The following ZIM3 variants were observed in gnomAD, a reference collection of about 807,000 sequenced individuals.
ZIM3 encodes zinc finger protein 657.
ZIM3 carries 11 observed loss-of-function variants against 12.9 expected under a neutral mutation model. The observed-to-expected ratio is 0.85, with a 90% CI of 0.54 to 1.41. The LOEUF (loss-of-function observed/expected upper bound fraction) is 1.41. Ranked by LOEUF, ZIM3 falls within the 40% of genes most tolerant of loss-of-function variation. ZIM3 has a pLI of 0.00. For missense variants in ZIM3, 604 were observed against 557.2 expected, an observed-to-expected ratio of 1.08 and a Z score of -0.85; for synonymous variants, 205 against 198.5, an observed-to-expected ratio of 1.03 and a Z score of -0.28.
chr19:57,138,367 G>T, intron 3 of ZIM3, 105 bp downstream of exon 3: 1 of 1,518,578 alleles, frequency 6.6e-7, no homozygotes, highest in Non-Finnish European at 9.1e-7. Context: ...AAACATATGC[G>T]AAGTGAGGAG....
intron 2 of ZIM3, among the ~76,000 whole-genome samples, chr19:57,141,739 A>C (rs2086914838): frequency 6.6e-6 from 1 of 151,832 alleles, no homozygotes; most frequent in Non-Finnish European, 1.5e-5. Flanking sequence ...CTGTAATCCC[A>C]GCAACTCAGG....
chr19:57,137,267 T>C (rs1034020785), intron 3 of ZIM3, among the ~76,000 whole-genome samples: 2 of 152,014 alleles, frequency 1.3e-5, no homozygotes, highest in African/African-American at 2.4e-5. Flanking sequence ...GGAGAATTGC[T>C]AGAGCACAGG....
In ZIM3 at chr19:57,135,953, T is replaced by G. The variant is rs1397385090; in HGVS notation, c.384A>C (p.Pro128=). The part of the protein sequence containing the change: ...VECDGSKKIL[P]LGIDDVSSLQ... ...AGGAAGATACATCATCTATGCCCAG[T>G]GGAAGTATTTTCTTAGATCCGTCAC... The change falls in exon 5 of 5, where the codon CCA becomes CCC. Residue 128 remains proline, a synonymous_variant. Coordinates refer to ENST00000269834, the MANE Select transcript of ZIM3 (RefSeq NM_052882.1). 6.2e-7 allele frequency: 1 copy of G among 1,614,144 alleles called. No individual in the cohort carries two copies. The highest frequency in any genetic ancestry group is 8.5e-7 in the Non-Finnish European group (1 of 1,180,040).
intron 1 of ZIM3, 74 bp from the exon 2 acceptor site, chr19:57,142,759 G>C: frequency 8.4e-7 from 1 of 1,190,460 alleles, no homozygotes; most frequent in Non-Finnish European, 1.2e-6. Context: ...AGCATAGAAT[G>C]CTCCACACCC....
intron 2 of ZIM3, among the ~76,000 whole-genome samples, 165 bp downstream of exon 2, chr19:57,142,464 A>G (rs2086917815): frequency 6.6e-6 from 1 of 152,150 alleles, no homozygotes; most frequent in Admixed American, 6.5e-5. Flanking sequence ...GAAATGTTTC[A>G]GCTTTAATAG....
chr19:57,134,716 A>C lies in ZIM3; in HGVS notation c.*202T>G. 1.8e-6 allele frequency: 1 copy of C among 554,802 alleles called. No homozygotes were observed. Among genetic ancestry groups the C allele is most frequent in the Non-Finnish European group, 3.1e-6 (1 of 319,444 alleles). The allele number at this position is 554,802 out of a possible 1,614,324, so 34.4% of individuals were successfully genotyped here. Reference sequence around the variant, plus strand: ...CAGTGTTTAAGAGTTCCTGGTACACAAAAGGCATCTAATAAATATTTATAC... The same window carrying C: ...CAGTGTTTAAGAGTTCCTGGTACACCAAAGGCATCTAATAAATATTTATAC... On this transcript the variant is annotated 3_prime_UTR_variant, in exon 5 of 5. Transcript: ENST00000269834.
chr19:57,138,064 AAGGAAGGAAGGAAAGAAGGGAGGT>A (rs2086897450), intron 3 of ZIM3, among the ~76,000 whole-genome samples: 1 of 109,334 alleles, frequency 9.1e-6, no homozygotes, highest in Non-Finnish European at 1.8e-5. Flanking sequence ...AGAAGGAAGG[AAGGAAGGAAGGAAAGAAGGGAGGT>A]AGGAAGGGAG....
At chr19:57,143,314 G>A (rs1421327299) in intron 1 of ZIM3, among the ~76,000 whole-genome samples, 14 of 149,046 alleles carry the variant, frequency 9.4e-5, no homozygotes, top group Non-Finnish European at 1.5e-4. Flanking sequence ...CTGGGCGACA[G>A]AGCGAGACTC....
chr19:57,137,414 G>A (rs28637047), intron 3 of ZIM3, among the ~76,000 whole-genome samples: 2,574 of 152,072 alleles, frequency 0.017, 84 homozygotes, highest in African/African-American at 0.059. Flanking sequence ...CTTGAGCCCA[G>A]GTCAATGTTG....
intron 2 of ZIM3, among the ~76,000 whole-genome samples, chr19:57,140,289 G>A (rs914707159): frequency 1.3e-4 from 19 of 151,758 alleles, no homozygotes; most frequent in Non-Finnish European, 8.8e-5. Context: ...CGATTCTCCT[G>A]CCTCAGCCTC....
At position 57,135,900 on chromosome 19, in the gene ZIM3, T is replaced by C; in HGVS notation, c.437A>G (p.His146Arg). 6.2e-7 allele frequency: 1 copy of C among 1,614,104 alleles called. No individual in the cohort carries two copies. Among genetic ancestry groups the C allele is most frequent in the South Asian group, 1.1e-5 (1 of 91,078 alleles). Reference sequence around the variant, plus strand: ...TAATTTTCTGTATCCATTATCATCGTGAGAATTATTTTGTACATAGTGTTG... The same window carrying C: ...TAATTTTCTGTATCCATTATCATCGCGAGAATTATTTTGTACATAGTGTTG... ...SLQHYVQNNS[H>R]DDNGYRKLVG... The change falls in exon 5 of 5, where the codon CAC becomes CGC. Residue 146 changes from histidine to arginine, a missense_variant. His to Arg is a conservative substitution (Grantham distance 29). Transcript: ENST00000269834.
At chr19:57,144,412 T>A (rs1370848996) in intron 1 of ZIM3, among the ~76,000 whole-genome samples, 2 of 152,116 alleles carry the variant, frequency 1.3e-5, no homozygotes, top group South Asian at 4.1e-4. Flanking sequence ...GGCACAACTT[T>A]AATGTTTATT....
Position 57,135,070 on chromosome 19 carries a change from C to T in ZIM3, c.1267G>A (p.Glu423Lys), listed in dbSNP as rs2086879201. The change falls in exon 5 of 5, where the codon GAA becomes AAA. Residue 423 changes from glutamate to lysine, a missense_variant. Transcript: ENST00000269834. ...HSGERTYRCS[E>K]CGKTFIRKLN... ...TTCCGGATGAAGGTTTTTCCACATT[C>T]ACTACATCTATAGGTCCTCTCTCCG... The T allele has an allele frequency of 1.2e-6, 2 of 1,614,166 alleles. No homozygotes were observed. Among genetic ancestry groups the T allele is most frequent in the African/African-American group, 2.7e-5 (2 of 75,030 alleles).
intron 1 of ZIM3, among the ~76,000 whole-genome samples, chr19:57,143,327 T>TC (rs2086923083): frequency 2.3e-5 from 3 of 131,896 alleles, no homozygotes; most frequent in African/African-American, 8.8e-5. Context: ...CGAGACTCCG[T>TC]CCCAAAAAAA....
chr19:57,135,004 T>C lies in ZIM3; in HGVS notation c.1333A>G (p.Lys445Glu). ...SLHKKTHTGQ[K>E]PYGCSECGKA... is the part of the protein sequence containing the mutation. ...CCGCATTCAGAACATCCATAAGGTT[T>C]TTGTCCAGTATGGGTTTTTTTATGC... is the stretch of plus-strand genomic sequence containing the variant. The change falls in exon 5 of 5, where the codon AAA becomes GAA. Residue 445 changes from lysine to glutamate, a missense_variant. Lys to Glu is a moderately conservative substitution (Grantham distance 56, BLOSUM62 1). Coordinates refer to ENST00000269834, the MANE Select transcript of ZIM3 (RefSeq NM_052882.1). 2 of 1,614,138 alleles carry C rather than the reference T, an allele frequency of 1.2e-6. No homozygotes were observed. The highest frequency in any genetic ancestry group is 1.7e-6 in the Non-Finnish European group (2 of 1,180,026).
In ZIM3 at chr19:57,143,921, C is replaced by T. The variant is rs1399729673; in HGVS notation, c.-43+938G>A. Among the ~76,000 whole-genome samples, 4 of 152,102 alleles carry T rather than the reference C, an allele frequency of 2.6e-5. No individual in the cohort carries two copies. In the East Asian group the frequency reaches 5.8e-4, roughly 22 times the overall value. On this transcript the variant is annotated intron_variant, in intron 1 of 4. Transcript: ENST00000269834. Reference sequence around the variant, plus strand: ...GAGCTGCTGATCTCAAGTGATCCGCCGGCCTCAGCCTCCCAAAGTGCTGGG... The same window carrying T: ...GAGCTGCTGATCTCAAGTGATCCGCTGGCCTCAGCCTCCCAAAGTGCTGGG...
chr19:57,136,212 A>G, intron 4 of ZIM3, 117 bp from the exon 5 acceptor site: 1 of 906,142 alleles, frequency 1.1e-6, no homozygotes, highest in Non-Finnish European at 1.7e-6. Flanking sequence ...AATGTCTACG[A>G]GAAACCAAAG....
Position 57,137,483 on chromosome 19 carries a change from C to T in ZIM3, c.143-512G>A, listed in dbSNP as rs189133341. The stretch of plus-strand genomic sequence containing the variant: ...ATACCAGAACTTTGGGAGGCTGAGG[C>T]GGGCCGGTTATCTGAGGTCAGGAGT... On this transcript the variant is annotated intron_variant, in intron 3 of 4. Transcript: ENST00000269834. Among the ~76,000 whole-genome samples the T allele has an allele frequency of 7.2e-4, 109 of 151,906 alleles. 1 individual carries two copies. Among genetic ancestry groups the T allele is most frequent in the African/African-American group, 2.6e-3 (107 of 41,444 alleles).
At chr19:57,138,448 C>T (rs868127647) in intron 3 of ZIM3, 24 bp downstream of exon 3, 3 of 1,614,020 alleles carry the variant, frequency 1.9e-6, no homozygotes, top group South Asian at 2.2e-5. Context: ...TTTTGAGTCC[C>T]CCTGCCCGGG....
Sources: gnomAD v4.1 joint callset for allele counts (sites outside exome capture counted in the v4.1 genomes callset) on GRCh38, gnomAD v4.1.1 for gene constraint, MANE v1.5 for transcripts, NCBI Gene and HGNC (gene_info 2026-07-23, HGNC 2026-07-21) for gene names.